The following AUH variants were observed in gnomAD, a reference collection of about 807,000 sequenced individuals.
The protein encoded by AUH is methylglutaconyl-CoA hydratase, mitochondrial.
AUH carries 29 observed loss-of-function variants against 42.3 expected under a neutral mutation model. The observed-to-expected ratio is 0.69, with a 90% CI of 0.51 to 0.93. AUH has a LOEUF of 0.93. Among genes scored for constraint, AUH ranks in the 40% least tolerant of loss-of-function variants. The probability of loss-of-function intolerance (pLI) is 0.00; values close to 1 mark genes in which losing one functional copy is unlikely to be tolerated. For missense variants in AUH, 452 were observed against 438.1 expected (o/e 1.03, Z -0.28); for synonymous variants, 174 against 166.4 (o/e 1.05, Z -0.35).
intron 4 of AUH, among the ~76,000 whole-genome samples, chr9:91,324,774 T>A (rs1829853163): frequency 6.6e-6 from 1 of 151,386 alleles, no homozygotes; most frequent in Admixed American, 6.6e-5. Flanking sequence ...AATGAACAAA[T>A]GATAACTGGA....
chr9:91,223,139 G>C (rs1827229515), intron 6 of AUH, among the ~76,000 whole-genome samples: 1 of 152,218 alleles, frequency 6.6e-6, no homozygotes. Flanking sequence ...GCCTGCGGTG[G>C]AGGCTAGAGG....
chr9:91,349,389 T>C (rs1587915822), intron 3 of AUH, among the ~76,000 whole-genome samples: 1 of 152,114 alleles, frequency 6.6e-6, no homozygotes, highest in African/African-American at 2.4e-5. Flanking sequence ...AAAGAAAAAA[T>C]CCTCATTCTC....
rs746233646 is a variant in AUH at position 91,213,916 on chromosome 9, G to A, written c.*432C>T. 64 of 162,646 alleles carry A rather than the reference G, an allele frequency of 3.9e-4. No individual in the cohort carries two copies. Among genetic ancestry groups the A allele is most frequent in the Non-Finnish European group, 6.1e-4 (45 of 73,780 alleles). 10.1% of individuals were successfully genotyped at this position (162,646 alleles called of 1,614,324 possible). A position where few individuals can be genotyped will look rare whatever the true frequency, so the allele number is the denominator to read the frequency against. ...TAGATATATGTATATGTAGCTGTTC[G>A]TATGCATTAATCACTTAGAAACTTT... On this transcript the variant is annotated 3_prime_UTR_variant, in exon 10 of 10. Transcript: ENST00000375731.
At chr9:91,296,936 C>T (rs1161329107) in intron 5 of AUH, among the ~76,000 whole-genome samples, 1 of 152,248 alleles carries the variant, frequency 6.6e-6, no homozygotes, top group East Asian at 1.9e-4. Context: ...ATCAATCCTT[C>T]TGCCTTGGCA....
In AUH at chr9:91,361,709, G is replaced by C; in HGVS notation, c.181C>G (p.Pro61Ala). The C allele has an allele frequency of 6.4e-7, 1 of 1,554,822 alleles. No individual in the cohort carries two copies. The highest frequency in any genetic ancestry group is 8.7e-7 in the Non-Finnish European group (1 of 1,149,650). The change falls in exon 1 of 10, where the codon CCC (proline) becomes GCC (alanine). Residue 61 changes from proline (P) to alanine (A), a missense_variant. By Grantham distance (27) the Pro-to-Ala change is conservative. Transcript: ENST00000375731. Reference protein sequence around the residue: ...AQGWVPAAGGPAPKRGYSSEM... With the variant: ...AQGWVPAAGGAAPKRGYSSEM... ...GAGCTGTAGCCCCTTTTCGGGGCGG[G>C]ACCCCCGGCCGCAGGTACCCAGCCC... is the stretch of plus-strand genomic sequence containing the variant.
rs1444137892 is a variant in AUH, at chr9:91,357,308, G to A, written c.263-1153C>T. ...GCACTACTTTTATCAATAGTTAACG[G>A]ATAAAGAAATGGAGACTTGGAGAGG... On this transcript the variant is annotated intron_variant, in intron 1 of 9. Transcript: ENST00000375731. Among the ~76,000 whole-genome samples, 4 of 152,160 alleles carry A rather than the reference G, an allele frequency of 2.6e-5. 1 individual carries two copies. The East Asian group carries it at 7.7e-4, about 29-fold the overall frequency.
At chr9:91,339,632 A>T in intron 3 of AUH, among the ~76,000 whole-genome samples, 1 of 152,192 alleles carries the variant, frequency 6.6e-6, no homozygotes, top group Admixed American at 6.5e-5. Flanking sequence ...AGAAGCAAAG[A>T]CACCCATGTA....
At chr9:91,329,052 A>C (rs1446687219) in intron 3 of AUH, among the ~76,000 whole-genome samples, 2 of 152,106 alleles carry the variant, frequency 1.3e-5, no homozygotes, top group African/African-American at 4.8e-5. Context: ...TTTCTTTCAT[A>C]TGGCTTGCTT....
At chr9:91,325,456 G>C in intron 3 of AUH, 52 bp from the exon 4 acceptor site, 2 of 1,502,456 alleles carry the variant, frequency 1.3e-6, no homozygotes, top group Non-Finnish European at 1.9e-6. Context: ...AAAATTTTAA[G>C]GCAAAGAATT....
intron 6 of AUH, among the ~76,000 whole-genome samples, chr9:91,262,964 T>C (rs75241765): frequency 0.029 from 4,448 of 152,294 alleles, 107 homozygotes; most frequent in African/African-American, 0.066. Flanking sequence ...GCAACAGGTA[T>C]GTTTCTTGAG....
At chr9:91,327,215 T>C (rs1265634100) in intron 3 of AUH, among the ~76,000 whole-genome samples, 1 of 152,138 alleles carries the variant, frequency 6.6e-6, no homozygotes, top group African/African-American at 2.4e-5. Flanking sequence ...AACTAACTCA[T>C]TGAGAGTGAC....
intron 6 of AUH, among the ~76,000 whole-genome samples, chr9:91,283,085 CCAGCAG>C (rs1826106282): frequency 6.6e-6 from 1 of 152,164 alleles, no homozygotes; most frequent in Non-Finnish European, 1.5e-5. Context: ...CAAAACGAAT[CCAGCAG>C]CACATCAAAA....
At chr9:91,223,696 A>C (rs1179920044) in intron 6 of AUH, among the ~76,000 whole-genome samples, 1 of 152,138 alleles carries the variant, frequency 6.6e-6, no homozygotes, top group Non-Finnish European at 1.5e-5. Flanking sequence ...ACAGAGAACA[A>C]GAATTCCAAT....
intron 6 of AUH, among the ~76,000 whole-genome samples, chr9:91,292,605 T>C (rs1208036226): frequency 6.6e-6 from 1 of 151,886 alleles, no homozygotes. Flanking sequence ...CACTTGGGGT[T>C]TCACTGTCTG....
At chr9:91,226,788 G>A (rs1419863109) in intron 6 of AUH, among the ~76,000 whole-genome samples, 2 of 120,634 alleles carry the variant, frequency 1.7e-5, no homozygotes, top group Admixed American at 1.8e-4. Flanking sequence ...AGTTTTCCCA[G>A]CACCATTTAT....
chr9:91,217,308 A>T lies in AUH; in HGVS notation c.863T>A (p.Val288Glu). The T allele has an allele frequency of 6.2e-7, 1 of 1,613,836 alleles. No individual in the cohort carries two copies. The highest frequency in any genetic ancestry group is 8.5e-7 in the Non-Finnish European group (1 of 1,179,822). Reference protein sequence around the residue: ...FLPQGPVAMRVAKLAINQGME... With the variant: ...FLPQGPVAMREAKLAINQGME... The stretch of plus-strand genomic sequence containing the variant: ...CCCTTGATTAATTGCTAATTTTGCC[A>T]CTCTCATTGCAACAGGTCCCTAAAA... Residue 288 changes from valine to glutamate, a missense_variant, in exon 8 of 10, where the codon GTG (valine) becomes GAG (glutamate). By Grantham distance (121) the Val-to-Glu change is moderately radical. Transcript: ENST00000375731.
rs532898059 is a variant in AUH at position 91,282,104 on chromosome 9, C to T, written c.655+13917G>A. Among the ~76,000 whole-genome samples, 40 of 152,212 alleles carry T rather than the reference C, an allele frequency of 2.6e-4. 1 individual carries two copies. In the South Asian group the frequency reaches 8.3e-3, roughly 32 times the overall value. On this transcript the variant is annotated intron_variant, in intron 6 of 9. Transcript: ENST00000375731. ...GACAGTATCTCCTATTGCTCTCCTC[C>T]TCCTCCTCTCTGCTCTGGTTGTGGT... is the stretch of plus-strand genomic sequence containing the variant.
chr9:91,312,838 T>C (rs923959306), intron 4 of AUH, among the ~76,000 whole-genome samples: 1 of 152,170 alleles, frequency 6.6e-6, no homozygotes, highest in Non-Finnish European at 1.5e-5. Context: ...AGGGTCTGTA[T>C]AGGAAGCAGG....
At chr9:91,272,423 C>T (rs1564053426) in intron 6 of AUH, among the ~76,000 whole-genome samples, 1 of 152,206 alleles carries the variant, frequency 6.6e-6, no homozygotes, top group Admixed American at 6.5e-5. Flanking sequence ...CCAATCAGCA[C>T]ATCTTAGGAG....
Sources: allele counts gnomAD v4.1 joint callset (sites outside exome capture counted in the v4.1 genomes callset), GRCh38; gene constraint gnomAD v4.1.1; transcripts MANE v1.5; gene names NCBI Gene and HGNC (gene_info 2026-07-23, HGNC 2026-07-21).